Variants in MTA3 observed in about 807,000 individuals in gnomAD.
MTA3 encodes metastasis associated 1 family member 3.
Under a neutral mutation model 83.5 loss-of-function variants are expected in MTA3, and 34 were observed. That is an observed-to-expected ratio of 0.41 (90% CI 0.31 to 0.54). The LOEUF (loss-of-function observed/expected upper bound fraction) is 0.54. Among genes scored for constraint, MTA3 ranks in the 20% least tolerant of loss-of-function variants. MTA3 has a pLI of 0.33. For synonymous variants in MTA3, 303 were observed against 252.7 expected, an observed-to-expected ratio of 1.20 and a Z score of -1.89; for missense variants, 761 against 726.4, an observed-to-expected ratio of 1.05 and a Z score of -0.55.
At position 42,755,919 on chromosome 2, in the gene MTA3, G is replaced by T. The variant is rs994547408; in HGVS notation, c.*2520G>T. The stretch of plus-strand genomic sequence containing the variant: ...CCCACCCTTCACTTCTTAAAGGTGC[G>T]CAAGAGAGGAGGGCCGACTGGAGGG... On this transcript the variant is annotated 3_prime_UTR_variant, in exon 17 of 17. Transcript: ENST00000405094. The T allele has an allele frequency of 2.0e-6, 2 of 985,564 alleles. No individual in the cohort carries two copies. The highest frequency in any genetic ancestry group is 2.4e-6 in the Non-Finnish European group (2 of 830,050). 61.1% of individuals were successfully genotyped at this position (985,564 alleles called of 1,614,324 possible). A position where few individuals can be genotyped will look rare whatever the true frequency, so the allele number is the denominator to read the frequency against.
chr2:42,709,001 A>T lies in MTA3; in HGVS notation c.1430A>T (p.Lys477Ile). ...AFFLHTTYFT[K>I]FARQVCKNTL... Reference sequence around the variant, plus strand: ...TTCCTTCATACTACATATTTCACAAAATTTGCTCGTCAGGTCTGCAAAAAT... The same window carrying T: ...TTCCTTCATACTACATATTTCACAATATTTGCTCGTCAGGTCTGCAAAAAT... Residue 477 changes from lysine to isoleucine, a missense_variant, in exon 14 of 17, where the codon AAA becomes ATA. Coordinates refer to ENST00000405094, the MANE Select transcript of MTA3 (RefSeq NM_001330442.2). 2 of 1,613,948 alleles carry T rather than the reference A, an allele frequency of 1.2e-6. No individual in the cohort carries two copies. Among genetic ancestry groups the T allele is most frequent in the Non-Finnish European group, 1.7e-6 (2 of 1,179,872 alleles).
At chr2:42,656,670 C>T (rs879611713) in intron 7 of MTA3, among the ~76,000 whole-genome samples, 17 of 152,206 alleles carry the variant, frequency 1.1e-4, no homozygotes, top group South Asian at 2.1e-4. Flanking sequence ...ACCTGGAATT[C>T]GCTCACCGCA....
intron 2 of MTA3, among the ~76,000 whole-genome samples, chr2:42,498,310 A>G (rs2103635148): frequency 6.6e-6 from 1 of 152,352 alleles, no homozygotes; most frequent in South Asian, 2.1e-4. Flanking sequence ...GACTTAGCCC[A>G]GTGTGCAGAA....
chr2:42,710,572 A>G (rs1272246591), intron 14 of MTA3, among the ~76,000 whole-genome samples: 1 of 149,554 alleles, frequency 6.7e-6, no homozygotes, highest in African/African-American at 2.5e-5. Context: ...AAAAAAAAAA[A>G]AAGAAAGTGG....
At chr2:42,717,534 C>G (rs888781276) in intron 14 of MTA3, among the ~76,000 whole-genome samples, 5 of 152,136 alleles carry the variant, frequency 3.3e-5, no homozygotes, top group African/African-American at 1.2e-4. Context: ...GTATTGTATG[C>G]TTTATTTTTG....
intron 16 of MTA3, among the ~76,000 whole-genome samples, chr2:42,743,044 A>G (rs555627075): frequency 5.3e-5 from 8 of 152,206 alleles, no homozygotes; most frequent in South Asian, 2.1e-4. Context: ...GGGCTCCTCT[A>G]TCAGAGACCC....
At chr2:42,518,853 C>A (rs1249148129) in intron 2 of MTA3, among the ~76,000 whole-genome samples, 7 of 151,922 alleles carry the variant, frequency 4.6e-5, no homozygotes, top group Admixed American at 3.9e-4. Context: ...GTCGCCCCAG[C>A]TACTTGGGAG....
chr2:42,561,485 A>G (rs373606476), intron 2 of MTA3, among the ~76,000 whole-genome samples: 38 of 151,900 alleles, frequency 2.5e-4, no homozygotes, highest in Non-Finnish European at 4.1e-4. Context: ...ACCACGCCTG[A>G]CTAATTTTTG....
At chr2:42,747,984 C>T (rs143670467) in intron 16 of MTA3, among the ~76,000 whole-genome samples, 3,377 of 152,040 alleles carry the variant, frequency 0.022, 52 homozygotes, top group Non-Finnish European at 0.032. Flanking sequence ...CAGGTGACCA[C>T]TGATTTGTTT....
intron 4 of MTA3, among the ~76,000 whole-genome samples, chr2:42,616,788 A>G (rs939215206): frequency 7.2e-5 from 11 of 151,726 alleles, no homozygotes; most frequent in African/African-American, 2.7e-4. Context: ...TGTGTTGGCC[A>G]GGCTGTTCGC....
chr2:42,557,487 G>T (rs1677453753), intron 2 of MTA3, among the ~76,000 whole-genome samples: 1 of 152,082 alleles, frequency 6.6e-6, no homozygotes, highest in Non-Finnish European at 1.5e-5. Flanking sequence ...GCCTCGAAAA[G>T]GTCAAACTGC....
At chr2:42,634,243 G>A (rs1055989557) in intron 4 of MTA3, among the ~76,000 whole-genome samples, 4 of 152,134 alleles carry the variant, frequency 2.6e-5, no homozygotes, top group African/African-American at 7.2e-5. Context: ...CCCTTGGTGT[G>A]GTAGTCATGG....
chr2:42,518,906 C>T (rs986576728), intron 2 of MTA3, among the ~76,000 whole-genome samples: 2 of 150,814 alleles, frequency 1.3e-5, no homozygotes, highest in Admixed American at 6.6e-5. Flanking sequence ...GTTGAAGCTA[C>T]AGTGAGCCAT....
chr2:42,703,877 G>T (rs1245729471), intron 11 of MTA3: 1 of 214,732 alleles, frequency 4.7e-6, no homozygotes, highest in Admixed American at 5.7e-5. Context: ...GCAACAGAGC[G>T]AGACTCCGTC....
intron 4 of MTA3, among the ~76,000 whole-genome samples, chr2:42,631,412 G>T (rs1226289061): frequency 6.6e-6 from 1 of 152,110 alleles, no homozygotes; most frequent in Non-Finnish European, 1.5e-5. Flanking sequence ...GGCTGAAGTA[G>T]TTTTCTTCAA....
chr2:42,643,642 C>T (rs949314302), intron 5 of MTA3, among the ~76,000 whole-genome samples: 7 of 152,158 alleles, frequency 4.6e-5, no homozygotes, highest in Admixed American at 4.6e-4. Flanking sequence ...CATGTAAGTT[C>T]AACTCATGCA....
At chr2:42,711,438 G>C (rs899162646) in intron 14 of MTA3, among the ~76,000 whole-genome samples, 2 of 151,988 alleles carry the variant, frequency 1.3e-5, no homozygotes, top group Non-Finnish European at 2.9e-5. Flanking sequence ...AAGAGCAGTC[G>C]TCTATCTGGA....
chr2:42,709,426 G>C (rs1666411120), intron 14 of MTA3: 1 of 520,254 alleles, frequency 1.9e-6, no homozygotes, highest in Admixed American at 4.9e-5. Context: ...TACCTTTTAG[G>C]TAGTGCCACA....
chr2:42,590,578 G>A (rs992376043), intron 3 of MTA3, among the ~76,000 whole-genome samples: 1 of 150,428 alleles, frequency 6.6e-6, no homozygotes, highest in African/African-American at 2.4e-5. Context: ...ACCCAAAATG[G>A]ACTGAGAAAC....
Sources: allele counts gnomAD v4.1 joint callset (sites outside exome capture counted in the v4.1 genomes callset), GRCh38; gene constraint gnomAD v4.1.1; transcripts MANE v1.5; gene names NCBI Gene and HGNC (gene_info 2026-07-23, HGNC 2026-07-21).